Variants in TNFSF4 observed in about 807,000 individuals in gnomAD.
TNFSF4 encodes the protein tumor necrosis factor ligand superfamily member 4.
Under a neutral mutation model 7.3 loss-of-function variants are expected in TNFSF4, and 4 were observed. That is an observed-to-expected ratio of 0.55 (90% CI 0.27 to 1.25). The LOEUF (loss-of-function observed/expected upper bound fraction) is 1.25. Ranked by LOEUF, TNFSF4 falls within the 50% of genes most tolerant of loss-of-function variation. TNFSF4 has a pLI of 0.12. For missense variants in TNFSF4, 181 were observed against 208.8 expected, an observed-to-expected ratio of 0.87 and a Z score of 0.82; for synonymous variants, 76 against 83.7, an observed-to-expected ratio of 0.91 and a Z score of 0.50.
chr1:173,425,780 T>C, the TNFSF4 span, among the ~76,000 whole-genome samples: 1 of 152,240 alleles, frequency 6.6e-6, no homozygotes, highest in Admixed American at 6.5e-5. Context: ...AGGCTGAGCC[T>C]GGACACTGTG....
At chr1:173,407,221 T>C in the TNFSF4 span, among the ~76,000 whole-genome samples, 6 of 151,944 alleles carry the variant, frequency 3.9e-5, no homozygotes, top group Non-Finnish European at 5.9e-5. Context: ...ACAGTCCGTG[T>C]GGAGTGTCAG....
the TNFSF4 span, among the ~76,000 whole-genome samples, chr1:173,364,931 C>CA: frequency 3.3e-5 from 5 of 151,542 alleles, no homozygotes; most frequent in African/African-American, 1.2e-4. Context: ...AAAGAAATCA[C>CA]AAAAAAATAA....
At chr1:173,435,422 G>A in the TNFSF4 span, among the ~76,000 whole-genome samples, 4 of 152,196 alleles carry the variant, frequency 2.6e-5, no homozygotes, top group East Asian at 7.7e-4. Context: ...ATGTTAAATG[G>A]GATCATAAAG....
At chr1:173,234,338 A>G in the TNFSF4 span, among the ~76,000 whole-genome samples, 3 of 152,346 alleles carry the variant, frequency 2.0e-5, no homozygotes, top group South Asian at 4.1e-4. Flanking sequence ...GAACACTCTT[A>G]CACTGTTGGT....
At chr1:173,430,605 G>GA in the TNFSF4 span, among the ~76,000 whole-genome samples, 1 of 152,144 alleles carries the variant, frequency 6.6e-6, no homozygotes, top group Non-Finnish European at 1.5e-5. Flanking sequence ...CAGATTCTTT[G>GA]AAAAAGTGTG....
the TNFSF4 span, among the ~76,000 whole-genome samples, chr1:173,312,303 A>G: frequency 6.6e-6 from 1 of 151,986 alleles, no homozygotes; most frequent in Admixed American, 6.6e-5. Context: ...CAGCATTTCA[A>G]TTTTCATTTC....
chr1:173,323,780 A>C, the TNFSF4 span, among the ~76,000 whole-genome samples: 1 of 152,234 alleles, frequency 6.6e-6, no homozygotes, highest in Admixed American at 6.5e-5. Context: ...AGACAAAATG[A>C]ATGAAATAAA....
chr1:173,352,185 T>C, the TNFSF4 span, among the ~76,000 whole-genome samples: 1 of 152,190 alleles, frequency 6.6e-6, no homozygotes, highest in Non-Finnish European at 1.5e-5. Context: ...TCCACGGGGA[T>C]GCAGCCCTGC....
intron 1 of TNFSF4, chr1:173,205,577 G>A: frequency 8.1e-7 from 1 of 1,235,684 alleles, no homozygotes; most frequent in Non-Finnish European, 1.0e-6. Flanking sequence ...ATGGTGTAAG[G>A]AAATATGTAA....
At chr1:173,291,882 A>G in the TNFSF4 span, among the ~76,000 whole-genome samples, 1 of 152,124 alleles carries the variant, frequency 6.6e-6, no homozygotes, top group Admixed American at 6.6e-5. Context: ...AGGCTATTAA[A>G]CAAACTAGAC....
chr1:173,321,464 C>T, the TNFSF4 span, among the ~76,000 whole-genome samples: 1 of 152,068 alleles, frequency 6.6e-6, no homozygotes, highest in Non-Finnish European at 1.5e-5. Context: ...CAACAAGAGC[C>T]AAAATTGACA....
the TNFSF4 span, among the ~76,000 whole-genome samples, chr1:173,366,121 C>T: frequency 6.6e-6 from 1 of 152,122 alleles, no homozygotes; most frequent in African/African-American, 2.4e-5. Flanking sequence ...GAATCCAACT[C>T]CTAGTATATA....
chr1:173,427,978 A>C, the TNFSF4 span, among the ~76,000 whole-genome samples: 8 of 149,178 alleles, frequency 5.4e-5, no homozygotes, highest in Non-Finnish European at 1.2e-4. Context: ...TTTGAGATAG[A>C]ATCTTGCTTT....
the TNFSF4 span, among the ~76,000 whole-genome samples, chr1:173,324,290 A>C: frequency 6.6e-6 from 1 of 152,232 alleles, no homozygotes; most frequent in South Asian, 2.1e-4. Context: ...GAGAAATAAA[A>C]TACTTTACAG....
chr1:173,366,639 T>G, the TNFSF4 span, among the ~76,000 whole-genome samples: 3 of 152,208 alleles, frequency 2.0e-5, no homozygotes, highest in Admixed American at 2.0e-4. Flanking sequence ...ATAATTGGAC[T>G]GTTTGAAACA....
At chr1:173,308,592 G>T in the TNFSF4 span, among the ~76,000 whole-genome samples, 1 of 151,738 alleles carries the variant, frequency 6.6e-6, no homozygotes, top group East Asian at 1.9e-4. Context: ...AACTGTTGCT[G>T]CTAAAACTAC....
chr1:173,372,507 C>A, the TNFSF4 span, among the ~76,000 whole-genome samples: 630 of 152,252 alleles, frequency 4.1e-3, 2 homozygotes, highest in South Asian at 0.011. Flanking sequence ...TGGGACAACC[C>A]CACAACCAGT....
At chr1:173,343,768 AGGAT>A in the TNFSF4 span, among the ~76,000 whole-genome samples, 7 of 152,274 alleles carry the variant, frequency 4.6e-5, no homozygotes, top group East Asian at 1.9e-4. Flanking sequence ...AAGGAATAAA[AGGAT>A]GGATGGATGG....
chr1:173,346,513 C>T, the TNFSF4 span, among the ~76,000 whole-genome samples: 2 of 152,184 alleles, frequency 1.3e-5, 1 homozygote. Context: ...TAGCACTTTA[C>T]ATACCATGTG....
Sources: allele counts gnomAD v4.1 joint callset (sites outside exome capture counted in the v4.1 genomes callset), GRCh38; gene constraint gnomAD v4.1.1; transcripts MANE v1.5; gene names NCBI Gene and HGNC (gene_info 2026-07-23, HGNC 2026-07-21).